CDKAL1: variants seen among roughly 807,000 people sequenced by gnomAD.
CDKAL1 encodes the protein threonylcarbamoyladenosine tRNA methylthiotransferase.
A neutral mutation model predicts 68.2 loss-of-function variants in CDKAL1; 32 were observed. The ratio of observed to expected loss-of-function variants is 0.47; its 90% CI spans 0.35 to 0.63. The LOEUF (loss-of-function observed/expected upper bound fraction) is 0.63, where lower values mean the gene tolerates loss of function less well. Ranked by LOEUF, CDKAL1 falls within the 30% of genes least tolerant of loss-of-function variation. CDKAL1 has a pLI of 0.00. For synonymous variants in CDKAL1, 234 were observed against 244.3 expected, an observed-to-expected ratio of 0.96 and a Z score of 0.39; for missense variants, 606 against 696.7, an observed-to-expected ratio of 0.87 and a Z score of 1.47.
At chr6:20,941,025 T>C (rs1445916784) in intron 9 of CDKAL1, among the ~76,000 whole-genome samples, 1 of 151,362 alleles carries the variant, frequency 6.6e-6, no homozygotes, top group Non-Finnish European at 1.5e-5. Context: ...AGGTGGAGCT[T>C]GCAGTGAGCC....
At chr6:21,133,780 T>C (rs771113569) in intron 13 of CDKAL1, among the ~76,000 whole-genome samples, 1 of 152,210 alleles carries the variant, frequency 6.6e-6, no homozygotes, top group Non-Finnish European at 1.5e-5. Context: ...AATGCTGTTT[T>C]TACTTGTACT....
intron 8 of CDKAL1, among the ~76,000 whole-genome samples, chr6:20,830,907 AAT>A (rs769585108): frequency 1.4e-5 from 2 of 146,232 alleles, no homozygotes; most frequent in African/African-American, 5.1e-5. Context: ...GAACTAGACA[AAT>A]ATATGTTTTT....
intron 13 of CDKAL1, among the ~76,000 whole-genome samples, chr6:21,147,263 T>TA (rs757590462): frequency 3.7e-4 from 56 of 152,220 alleles, no homozygotes; most frequent in Admixed American, 7.9e-4. Context: ...CTCAACCAGA[T>TA]AAAAACCTGG....
chr6:21,058,826 G>A (rs1770980407), intron 11 of CDKAL1, among the ~76,000 whole-genome samples: 1 of 152,128 alleles, frequency 6.6e-6, no homozygotes, highest in African/African-American at 2.4e-5. Context: ...CTAATGCCAG[G>A]GGGCATGCTC....
intron 6 of CDKAL1, among the ~76,000 whole-genome samples, chr6:20,745,751 A>G (rs1354178577): frequency 6.6e-6 from 1 of 152,180 alleles, no homozygotes; most frequent in African/African-American, 2.4e-5. Context: ...AAAATCTAAT[A>G]ATGTTTTAAG....
chr6:20,845,229 G>A (rs1455134211), intron 8 of CDKAL1, among the ~76,000 whole-genome samples: 3 of 152,054 alleles, frequency 2.0e-5, no homozygotes, highest in African/African-American at 7.2e-5. Context: ...TATAGCAATC[G>A]AATCACTGAA....
chr6:21,154,614 A>G (rs1196882085), intron 13 of CDKAL1, among the ~76,000 whole-genome samples: 1 of 152,210 alleles, frequency 6.6e-6, no homozygotes, highest in African/African-American at 2.4e-5. Flanking sequence ...TCTTGTCTAC[A>G]TGAAATGGAA....
chr6:20,549,853 C>T (rs1364180927), intron 4 of CDKAL1, among the ~76,000 whole-genome samples: 6 of 152,136 alleles, frequency 3.9e-5, no homozygotes, highest in South Asian at 2.1e-4. Flanking sequence ...GTGATCCACT[C>T]GCCTCGGCCT....
At chr6:20,965,499 A>G (rs1765265747) in intron 10 of CDKAL1, among the ~76,000 whole-genome samples, 1 of 152,068 alleles carries the variant, frequency 6.6e-6, no homozygotes, top group Non-Finnish European at 1.5e-5. Context: ...CTCTATGTAT[A>G]TTTTTTGAGG....
At chr6:20,896,562 A>G (rs576840248) in intron 9 of CDKAL1, among the ~76,000 whole-genome samples, 1 of 152,366 alleles carries the variant, frequency 6.6e-6, no homozygotes, top group South Asian at 2.1e-4. Flanking sequence ...TCTAGTGCCA[A>G]GTAAAATAAA....
At chr6:20,682,468 A>AACCT (rs1770423371) in intron 5 of CDKAL1, among the ~76,000 whole-genome samples, 1 of 152,144 alleles carries the variant, frequency 6.6e-6, no homozygotes, top group Admixed American at 6.5e-5. Flanking sequence ...GAAACTTACA[A>AACCT]TCATGGCAGA....
intron 5 of CDKAL1, among the ~76,000 whole-genome samples, chr6:20,655,188 T>G (rs1230912561): frequency 6.6e-6 from 1 of 152,226 alleles, no homozygotes; most frequent in Non-Finnish European, 1.5e-5. Context: ...ACTTTATATT[T>G]TTATACTACT....
At chr6:20,767,398 C>T (rs989577379) in intron 7 of CDKAL1, among the ~76,000 whole-genome samples, 1 of 151,910 alleles carries the variant, frequency 6.6e-6, no homozygotes, top group Non-Finnish European at 1.5e-5. Context: ...AAAATAGAAA[C>T]CAGGTCATGT....
intron 4 of CDKAL1, among the ~76,000 whole-genome samples, chr6:20,567,971 G>A (rs1370175981): frequency 1.3e-5 from 2 of 152,028 alleles, no homozygotes; most frequent in Admixed American, 1.3e-4. Flanking sequence ...CTCCTCCCGG[G>A]TTCACGCCAT....
chr6:20,934,948 T>A (rs1282513922), intron 9 of CDKAL1, among the ~76,000 whole-genome samples: 1 of 143,866 alleles, frequency 7.0e-6, no homozygotes, highest in Non-Finnish European at 1.5e-5. Context: ...CAGGCCGGAG[T>A]TCAATGGCGC....
intron 10 of CDKAL1, among the ~76,000 whole-genome samples, chr6:20,981,656 A>G (rs945563678): frequency 1.4e-4 from 21 of 152,232 alleles, no homozygotes; most frequent in African/African-American, 4.6e-4. Context: ...CCTGGCCAAC[A>G]TGGTGAAACC....
At chr6:21,077,885 G>C (rs1163402709) in intron 12 of CDKAL1, among the ~76,000 whole-genome samples, 2 of 152,190 alleles carry the variant, frequency 1.3e-5, no homozygotes, top group African/African-American at 4.8e-5. Flanking sequence ...ACCTGAGTGG[G>C]GTCAATGTAA....
rs144975933 is a variant in CDKAL1 at position 20,585,574 on chromosome 6, C to T, written c.286+36869C>T. On this transcript the variant is annotated intron_variant, in intron 4 of 15. Transcript: ENST00000274695. ...CCTTTGCTTGGCCAAATGCAAATGC[C>T]ACTTCTCAGTCCTTATCTTATATAG... Among the ~76,000 whole-genome samples, 603 of 152,282 alleles carry T rather than the reference C, an allele frequency of 4.0e-3. 3 individuals carry two copies. Among genetic ancestry groups the T allele is most frequent in the African/African-American group, 0.013 (561 of 41,560 alleles).
chr6:20,618,049 T>C (rs1411088434), intron 4 of CDKAL1, among the ~76,000 whole-genome samples: 2 of 152,106 alleles, frequency 1.3e-5, no homozygotes, highest in Non-Finnish European at 2.9e-5. Context: ...GTAAAAGTGT[T>C]CTATTTCTCC....
Sources: allele counts gnomAD v4.1 joint callset (sites outside exome capture counted in the v4.1 genomes callset), GRCh38; gene constraint gnomAD v4.1.1; transcripts MANE v1.5; gene names NCBI Gene and HGNC (gene_info 2026-07-23, HGNC 2026-07-21).